Variants in PCDHA4 observed in about 807,000 individuals in gnomAD.
PCDHA4 encodes the protein protocadherin alpha-4.
Under a neutral mutation model 61.4 loss-of-function variants are expected in PCDHA4, and 49 were observed. That is an observed-to-expected ratio of 0.80 (90% CI 0.63 to 1.01). The LOEUF (loss-of-function observed/expected upper bound fraction) is 1.01, where lower values mean the gene tolerates loss of function less well. Among genes scored for constraint, PCDHA4 ranks in the 50% least tolerant of loss-of-function variants. The pLI, the probability that PCDHA4 is intolerant of heterozygous loss-of-function variation, is 0.00. For synonymous variants in PCDHA4, 590 were observed against 550.3 expected, an observed-to-expected ratio of 1.07 and a Z score of -1.01; for missense variants, 1,254 against 1,235.8, an observed-to-expected ratio of 1.01 and a Z score of -0.22.
intron 1 of PCDHA4, chr5:140,877,542 A>G (rs782391639): frequency 1.9e-6 from 3 of 1,613,752 alleles, no homozygotes; most frequent in Non-Finnish European, 2.5e-6. Flanking sequence ...TGGATCCCGA[A>G]GCGGCTCTGG....
Position 140,823,575 on chromosome 5 carries a change from G to A in PCDHA4, c.2385+14003G>A, listed in dbSNP as rs2150127056. ...AGGTGCGCGCAGTGGACCCTGATTC[G>A]GGCTACAACGCTTGGCTTTCGTATG... On this transcript the variant is annotated intron_variant, in intron 1 of 3. Transcript: ENST00000530339. 4 of 1,613,974 alleles carry A rather than the reference G, an allele frequency of 2.5e-6. No homozygotes were observed. The South Asian group carries it at 4.4e-5, about 18-fold the overall frequency.
chr5:140,916,003 A>G (rs971043760), intron 1 of PCDHA4, among the ~76,000 whole-genome samples: 1 of 152,146 alleles, frequency 6.6e-6, no homozygotes, highest in Non-Finnish European at 1.5e-5. Context: ...CACTCAAACC[A>G]CAAGACAAAG....
At chr5:140,853,465 C>A in intron 1 of PCDHA4, 2 of 970,762 alleles carry the variant, frequency 2.1e-6, no homozygotes, top group Non-Finnish European at 2.5e-6. Context: ...TTATATGCAT[C>A]TGTAGTTAAC....
At position 140,885,065 on chromosome 5, in the gene PCDHA4, T is replaced by TA. The variant is rs1440762512; in HGVS notation, c.2385+75494dup. ...TTAATGTATACATATACCCACAAGATATTATTTTAAAGAGCCCCATAACTT... is the reference window on the plus strand; with the variant it reads ...TTAATGTATACATATACCCACAAGATAATTATTTTAAAGAGCCCCATAACTT... On this transcript the variant is annotated intron_variant, in intron 1 of 3. Coordinates refer to ENST00000530339, the MANE Select transcript of PCDHA4 (RefSeq NM_018907.4). Among the ~76,000 whole-genome samples the TA allele has an allele frequency of 7.2e-5, 11 of 152,294 alleles. 1 individual carries two copies. Among genetic ancestry groups the TA allele is most frequent in the African/African-American group, 2.6e-4 (11 of 41,580 alleles).
intron 3 of PCDHA4, among the ~76,000 whole-genome samples, chr5:140,998,569 G>GT (rs71574497): frequency 0.37 from 55,088 of 149,258 alleles, 10,597 homozygotes; most frequent in African/African-American, 0.48. Flanking sequence ...TTGTAAATAA[G>GT]TTTTTTTTTT....
At chr5:140,999,244 G>A (rs1554256717) in intron 3 of PCDHA4, among the ~76,000 whole-genome samples, 1 of 152,210 alleles carries the variant, frequency 6.6e-6, no homozygotes, top group African/African-American at 2.4e-5. Flanking sequence ...GTTAAAGTGG[G>A]AGTTGGATTA....
At position 140,807,073 on chromosome 5, in the gene PCDHA4, C is replaced by A. The variant is rs1763840766; in HGVS notation, c.-115C>A. ...TATTCTTACTGGAAGGAACCATATA[C>A]ACTCTTTGGAGTCTGAAATATGGAG... On this transcript the variant is annotated 5_prime_UTR_variant, in exon 1 of 4. Coordinates refer to ENST00000530339, the MANE Select transcript of PCDHA4 (RefSeq NM_018907.4). The A allele has an allele frequency of 3.3e-6, 4 of 1,196,434 alleles. No individual in the cohort carries two copies. Among genetic ancestry groups the A allele is most frequent in the Non-Finnish European group, 4.7e-6 (4 of 844,074 alleles). 74.1% of individuals were successfully genotyped at this position (1,196,434 alleles called of 1,614,324 possible).
chr5:140,927,953 C>T (rs782230690), intron 1 of PCDHA4: 48 of 1,614,090 alleles, frequency 3.0e-5, no homozygotes, highest in Non-Finnish European at 2.1e-5. Flanking sequence ...GAGGACGCTG[C>T]CCCTGGCACA....
chr5:140,891,712 C>T (rs2063219356), intron 1 of PCDHA4, among the ~76,000 whole-genome samples: 1 of 152,148 alleles, frequency 6.6e-6, no homozygotes, highest in Non-Finnish European at 1.5e-5. Context: ...TTTGTACCCC[C>T]AAATTCATGT....
intron 1 of PCDHA4, among the ~76,000 whole-genome samples, chr5:140,902,484 G>T (rs1211102117): frequency 3.3e-5 from 5 of 152,096 alleles, no homozygotes; most frequent in African/African-American, 1.2e-4. Context: ...TGCCTGCTCA[G>T]TATGATACTA....
chr5:140,943,274 A>AAAAG (rs1349019397), intron 1 of PCDHA4, among the ~76,000 whole-genome samples: 1 of 141,284 alleles, frequency 7.1e-6, no homozygotes, highest in Admixed American at 7.3e-5. Context: ...AAAAAAAAAA[A>AAAAG]AAAGAAAGAA....
chr5:140,843,170 A>C lies in PCDHA4; in HGVS notation c.2385+33598A>C, dbSNP rs781918147. Reference sequence around the variant, plus strand: ...GTATGAGCTGCAGCCAGCTGCAAGCAGCCCTCGCATCCCGTTCCGCGTGGG... The same window carrying C: ...GTATGAGCTGCAGCCAGCTGCAAGCCGCCCTCGCATCCCGTTCCGCGTGGG... On this transcript the variant is annotated intron_variant, in intron 1 of 3. Coordinates refer to ENST00000530339, the MANE Select transcript of PCDHA4 (RefSeq NM_018907.4). 12 of 1,595,956 alleles carry C rather than the reference A, an allele frequency of 7.5e-6. 1 individual carries two copies. The highest frequency in any genetic ancestry group is 8.6e-6 in the Non-Finnish European group (10 of 1,165,596).
intron 1 of PCDHA4, chr5:140,860,501 CA>C (rs2046424429): frequency 6.6e-6 from 1 of 151,970 alleles, no homozygotes; most frequent in Non-Finnish European, 1.5e-5. Context: ...TGTCTACATA[CA>C]AGATAAAACT....
chr5:140,813,372 G>A (rs2126646114), intron 1 of PCDHA4: 1 of 152,238 alleles, frequency 6.6e-6, no homozygotes, highest in African/African-American at 2.4e-5. Flanking sequence ...TACAGACCTA[G>A]GTTACATGAT....
chr5:140,840,493 T>C (rs2150307373), intron 1 of PCDHA4, among the ~76,000 whole-genome samples: 1 of 152,054 alleles, frequency 6.6e-6, no homozygotes, highest in Non-Finnish European at 1.5e-5. Context: ...ATAATTCTGG[T>C]AAATACTCAC....
At chr5:140,927,295 G>T (rs1343982131) in intron 1 of PCDHA4, 2 of 1,614,032 alleles carry the variant, frequency 1.2e-6, no homozygotes, top group African/African-American at 2.7e-5. Context: ...GCACATCCCC[G>T]AGTTCCTGAC....
chr5:140,859,547 A>G (rs1185528654), intron 1 of PCDHA4: 1 of 181,734 alleles, frequency 5.5e-6, no homozygotes, highest in Non-Finnish European at 1.1e-5. Flanking sequence ...TTCTAGTGTT[A>G]CCAAACACCA....
chr5:140,941,403 G>A lies in PCDHA4; in HGVS notation c.2386-37546G>A, dbSNP rs527986544. Among the ~76,000 whole-genome samples, 769 of 142,382 alleles carry A rather than the reference G, an allele frequency of 5.4e-3. 3 individuals carry two copies. The highest frequency in any genetic ancestry group is 0.019 in the African/African-American group (737 of 38,338). The allele number at this position is 142,382 out of a possible 152,430, so 93.4% of individuals were successfully genotyped here. On this transcript the variant is annotated intron_variant, in intron 1 of 3. Coordinates refer to ENST00000530339, the MANE Select transcript of PCDHA4 (RefSeq NM_018907.4). ...AGGATTTTGGCTCACTGCAACCTCC[G>A]CCTCCCGGGTTCAAGCAATTCTCTG...
At chr5:140,839,920 T>G (rs1182223530) in intron 1 of PCDHA4, among the ~76,000 whole-genome samples, 1 of 151,984 alleles carries the variant, frequency 6.6e-6, no homozygotes, top group Non-Finnish European at 1.5e-5. Context: ...AGAAAAACCT[T>G]GAACAAAGAG....
Sources: allele counts gnomAD v4.1 joint callset (sites outside exome capture counted in the v4.1 genomes callset), GRCh38; gene constraint gnomAD v4.1.1; transcripts MANE v1.5; gene names NCBI Gene and HGNC (gene_info 2026-07-23, HGNC 2026-07-21).